The following MPPED2 variants were observed in gnomAD, a reference collection of about 807,000 sequenced individuals.
The protein encoded by MPPED2 is metallophosphoesterase MPPED2.
MPPED2 carries 5 observed loss-of-function variants against 33.0 expected under a neutral mutation model. The observed-to-expected ratio is 0.15, with a 90% CI of 0.08 to 0.32. The LOEUF (loss-of-function observed/expected upper bound fraction) is 0.32. MPPED2 is among the 10% of genes least tolerant of loss of function. MPPED2 has a pLI of 1.00. For synonymous variants in MPPED2, 136 were observed against 141.9 expected (o/e 0.96, Z 0.29); for missense variants, 275 against 372.1 (o/e 0.74, Z 2.15).
At chr11:30,575,061 C>A (rs1956867368) in intron 2 of MPPED2, among the ~76,000 whole-genome samples, 1 of 152,140 alleles carries the variant, frequency 6.6e-6, no homozygotes. Context: ...TTACTTCCTA[C>A]CACATTCTTG....
At position 30,558,135 on chromosome 11, in the gene MPPED2, T is replaced by TAC. The variant is rs769058108; in HGVS notation, c.129-21962_129-21961dup. Among the ~76,000 whole-genome samples the TAC allele has an allele frequency of 8.6e-5, 13 of 151,946 alleles. No homozygotes were observed. The East Asian group carries it at 1.9e-3, about 23-fold the overall frequency. On this transcript the variant is annotated intron_variant, in intron 2 of 6. Transcript: ENST00000358117. ...CCAATAGAACATGCACACACACATA[T>TAC]ACACACACACACGTATATATTTTGT...
chr11:30,537,122 A>T (rs143509404), intron 2 of MPPED2, among the ~76,000 whole-genome samples: 3 of 152,298 alleles, frequency 2.0e-5, no homozygotes, highest in African/African-American at 7.2e-5. Context: ...AACTTGGTAA[A>T]GGAATGCAAA....
chr11:30,423,205 G>C lies in MPPED2; in HGVS notation c.537-5572C>G, dbSNP rs144741941. ...TACTCCCCCACAAACTTCAGTGGGG[G>C]CTGGGTGCGTCCTAGGAAAGCAGGA... On this transcript the variant is annotated intron_variant, in intron 4 of 6. Transcript: ENST00000358117. Among the ~76,000 whole-genome samples the C allele has an allele frequency of 5.5e-4, 83 of 152,274 alleles. 1 individual carries two copies. In the East Asian group the frequency reaches 0.015, roughly 28 times the overall value.
At chr11:30,558,526 CCA>C (rs1956091817) in intron 2 of MPPED2, among the ~76,000 whole-genome samples, 1 of 151,928 alleles carries the variant, frequency 6.6e-6, no homozygotes, top group South Asian at 2.1e-4. Flanking sequence ...AGCAATCCTC[CCA>C]CCTCAGCCTC....
At chr11:30,452,054 C>T in intron 4 of MPPED2, 2 of 985,376 alleles carry the variant, frequency 2.0e-6, no homozygotes, top group Non-Finnish European at 2.4e-6. Flanking sequence ...TTAATGCTGC[C>T]CAAAGCCACC....
rs471575 is a variant in MPPED2 at position 30,480,259 on chromosome 11, C to A, written c.536+15037G>T. ...ACAGCCTAGACGCTCTGCATACACA[C>A]AAAAGAAATAAAGTACGTACAAACA... On this transcript the variant is annotated intron_variant, in intron 4 of 6. Coordinates refer to ENST00000358117, the MANE Select transcript of MPPED2 (RefSeq NM_001584.3). Among the ~76,000 whole-genome samples, 1,243 of 152,186 alleles carry A rather than the reference C, an allele frequency of 8.2e-3. 19 individuals are homozygous for A. The highest frequency in any genetic ancestry group is 0.029 in the African/African-American group (1,199 of 41,534).
chr11:30,549,135 C>T, intron 2 of MPPED2, among the ~76,000 whole-genome samples: 1 of 152,200 alleles, frequency 6.6e-6, no homozygotes. Context: ...AGTTAGCTCC[C>T]ATTCAGTGTG....
intron 2 of MPPED2, among the ~76,000 whole-genome samples, chr11:30,548,247 T>C (rs1357448141): frequency 5.9e-5 from 9 of 151,824 alleles, no homozygotes; most frequent in Admixed American, 5.3e-4. Flanking sequence ...ACGGGGTCTC[T>C]CTCTCTCCCA....
chr11:30,477,776 T>C (rs1951287043), intron 4 of MPPED2, among the ~76,000 whole-genome samples: 1 of 152,112 alleles, frequency 6.6e-6, no homozygotes, highest in South Asian at 2.1e-4. Flanking sequence ...TTCTGTAAGA[T>C]TTCATTACTT....
At chr11:30,544,178 A>ACTAC (rs1452403280) in intron 2 of MPPED2, among the ~76,000 whole-genome samples, 12 of 152,276 alleles carry the variant, frequency 7.9e-5, no homozygotes, top group Admixed American at 7.8e-4. Flanking sequence ...CATCAGGCTA[A>ACTAC]CTACCGTGTC....
chr11:30,573,315 C>T (rs1417451202), intron 2 of MPPED2, among the ~76,000 whole-genome samples: 1 of 152,090 alleles, frequency 6.6e-6, no homozygotes, highest in East Asian at 1.9e-4. Context: ...TAAAGTATAG[C>T]ACATCCAATT....
intron 4 of MPPED2, 174 bp downstream of exon 4, chr11:30,495,122 T>G (rs1449532984): frequency 1.6e-6 from 1 of 609,794 alleles, no homozygotes; most frequent in African/African-American, 1.8e-5. Context: ...TCTATCACAA[T>G]GAAAACAACA....
exon 7 of MPPED2, chr11:30,386,810 A>T: frequency 2.5e-6 from 1 of 398,604 alleles, no homozygotes. Flanking sequence ...TATTAGTAGG[A>T]TTATTATACA....
chr11:30,513,067 TC>T, intron 3 of MPPED2, among the ~76,000 whole-genome samples: 1 of 152,202 alleles, frequency 6.6e-6, no homozygotes, highest in Non-Finnish European at 1.5e-5. Context: ...GATTCTGTTC[TC>T]TAGGTCTGAG....
intron 3 of MPPED2, among the ~76,000 whole-genome samples, chr11:30,506,080 C>T (rs11821671): frequency 0.35 from 53,812 of 151,800 alleles, 9,913 homozygotes; most frequent in East Asian, 0.48. Context: ...CTCTGTCACC[C>T]GGGTGAGAGT....
chr11:30,398,936 A>G (rs905395563), intron 6 of MPPED2, among the ~76,000 whole-genome samples: 1 of 152,096 alleles, frequency 6.6e-6, no homozygotes, highest in Non-Finnish European at 1.5e-5. Flanking sequence ...GAGGCATGGG[A>G]CATACGTGAT....
At chr11:30,553,786 G>A (rs1955834144) in intron 2 of MPPED2, among the ~76,000 whole-genome samples, 1 of 152,122 alleles carries the variant, frequency 6.6e-6, no homozygotes, top group Non-Finnish European at 1.5e-5. Flanking sequence ...GTTAAACATG[G>A]TACCTACAAT....
At chr11:30,422,892 A>C (rs1283184354) in intron 4 of MPPED2, among the ~76,000 whole-genome samples, 1 of 152,154 alleles carries the variant, frequency 6.6e-6, no homozygotes, top group East Asian at 1.9e-4. Flanking sequence ...AAAGACTCAG[A>C]TGGATGGAAG....
intron 3 of MPPED2, among the ~76,000 whole-genome samples, chr11:30,502,693 G>A (rs1952625521): frequency 6.6e-6 from 1 of 152,126 alleles, no homozygotes; most frequent in Non-Finnish European, 1.5e-5. Context: ...GACTAGGGAG[G>A]TAAAGAAACA....
Sources: allele counts gnomAD v4.1 joint callset (sites outside exome capture counted in the v4.1 genomes callset), GRCh38; gene constraint gnomAD v4.1.1; transcripts MANE v1.5; gene names NCBI Gene and HGNC (gene_info 2026-07-23, HGNC 2026-07-21).